CCDC85C: variants seen among roughly 807,000 people sequenced by gnomAD.
The protein encoded by CCDC85C is coiled-coil domain containing 85C.
In CCDC85C, 18 loss-of-function variants were observed where a neutral mutation model predicts 38.3. The observed-to-expected ratio is 0.47, with a 90% CI of 0.33 to 0.70. The LOEUF (loss-of-function observed/expected upper bound fraction) is 0.70. CCDC85C is among the 30% of genes least tolerant of loss of function. The probability of loss-of-function intolerance (pLI) is 0.03; values close to 1 mark genes in which losing one functional copy is unlikely to be tolerated. For missense variants in CCDC85C, 566 were observed against 621.2 expected, an observed-to-expected ratio of 0.91 and a Z score of 0.94; for synonymous variants, 264 against 293.8, an observed-to-expected ratio of 0.90 and a Z score of 1.04.
Position 99,535,996 on chromosome 14 carries a change from C to G in CCDC85C, c.867+19G>C. On this transcript the variant is annotated intron_variant, in intron 2 of 5. Transcript: ENST00000380243. The surrounding 1 kb of genome is among the most constrained non-coding windows in gnomAD (Gnocchi z 5.5). ...CTGGGTCGCGGTCCTCAAGGCAGCG[C>G]CACCCGAAGCCGGCCTACCTGTGCG... 1 of 1,548,936 alleles carries G rather than the reference C, an allele frequency of 6.5e-7. No homozygotes were observed. Among genetic ancestry groups the G allele is most frequent in the Non-Finnish European group, 8.7e-7 (1 of 1,145,170 alleles).
At chr14:99,599,791 C>T (rs543200516) in intron 1 of CCDC85C, among the ~76,000 whole-genome samples, 1 of 152,318 alleles carries the variant, frequency 6.6e-6, no homozygotes, top group East Asian at 1.9e-4. Context: ...AAGAGGATTA[C>T]TTGAGCCCAG....
At chr14:99,596,755 C>T (rs1024889079) in intron 1 of CCDC85C, among the ~76,000 whole-genome samples, 50 of 152,196 alleles carry the variant, frequency 3.3e-4, no homozygotes, top group Non-Finnish European at 6.5e-4. Context: ...AATAGAGTCT[C>T]TTGTTGTTAT....
intron 1 of CCDC85C, among the ~76,000 whole-genome samples, chr14:99,598,299 A>G (rs375217299): frequency 1.1e-4 from 17 of 152,396 alleles, no homozygotes; most frequent in African/African-American, 3.6e-4. Context: ...AAATGAAGGC[A>G]ACAAGCATGG....
rs1055257767 is a variant in CCDC85C, at chr14:99,588,895, C to T, written c.793+14272G>A. On this transcript the variant is annotated intron_variant, in intron 1 of 5. Transcript: ENST00000380243. The surrounding 1 kb of genome is among the most constrained non-coding windows in gnomAD (Gnocchi z 5.0). ...CTTCCCCAAGTTCCTCCGGGGTCTC[C>T]GAGCACCATGGATGTGAACCAACTG... Among the ~76,000 whole-genome samples, 1 of 152,072 alleles carries T rather than the reference C, an allele frequency of 6.6e-6. No individual in the cohort carries two copies. Among genetic ancestry groups the T allele is most frequent in the African/African-American group, 2.4e-5 (1 of 41,406 alleles).
At chr14:99,532,389 T>C (rs1295940931) in intron 2 of CCDC85C, among the ~76,000 whole-genome samples, 1 of 152,192 alleles carries the variant, frequency 6.6e-6, no homozygotes, top group Non-Finnish European at 1.5e-5. Context: ...CAGGGGCCTC[T>C]CTGTGCATGT....
At position 99,501,845 on chromosome 14, in the gene CCDC85C, G is replaced by A; in HGVS notation, c.*13401C>T. ...GAGTTGCTGCCAGCCCCATCCCACTGCAGTCAGTGAAGCTTCTCTTACATT... is the reference window on the plus strand; with the variant it reads ...GAGTTGCTGCCAGCCCCATCCCACTACAGTCAGTGAAGCTTCTCTTACATT... On this transcript the variant is annotated 3_prime_UTR_variant, in exon 6 of 6. Transcript: ENST00000380243. The A allele has an allele frequency of 4.3e-6, 1 of 233,836 alleles. No homozygotes were observed. Among genetic ancestry groups the A allele is most frequent in the South Asian group, 7.6e-5 (1 of 13,078 alleles). 14.5% of individuals were successfully genotyped at this position (233,836 alleles called of 1,614,324 possible).
intron 1 of CCDC85C, among the ~76,000 whole-genome samples, chr14:99,577,327 G>A (rs949427892): frequency 4.7e-5 from 7 of 149,742 alleles, no homozygotes; most frequent in Admixed American, 1.3e-4. Context: ...TGAGGAGACC[G>A]AGGCTCAGAG....
At chr14:99,529,313 T>G (rs1897448784) in intron 2 of CCDC85C, among the ~76,000 whole-genome samples, 1 of 152,086 alleles carries the variant, frequency 6.6e-6, no homozygotes, top group Non-Finnish European at 1.5e-5. Flanking sequence ...CTTGTTCCAG[T>G]GAGGTAAGTG....
At chr14:99,575,512 T>C (rs950713096) in intron 1 of CCDC85C, among the ~76,000 whole-genome samples, 3 of 152,192 alleles carry the variant, frequency 2.0e-5, no homozygotes, top group Admixed American at 6.5e-5. Flanking sequence ...ACCACAAAAA[T>C]GCAAGCTGCC....
rs916940413 is a variant in CCDC85C, at chr14:99,603,028, C to G, written c.793+139G>C. The G allele has an allele frequency of 4.2e-5, 48 of 1,138,320 alleles. No individual in the cohort carries two copies. The highest frequency in any genetic ancestry group is 5.1e-5 in the Non-Finnish European group (46 of 899,244). The allele number at this position is 1,138,320 out of a possible 1,614,324, so 70.5% of individuals were successfully genotyped here. A position where few individuals can be genotyped will look rare whatever the true frequency, so the allele number is the denominator to read the frequency against. ...TTGGGTGAGTGCGGGATCCCCTGGCCCAGGATCCATGACAGCTGGAGGAGT... is the reference window on the plus strand; with the variant it reads ...TTGGGTGAGTGCGGGATCCCCTGGCGCAGGATCCATGACAGCTGGAGGAGT... On this transcript the variant is annotated intron_variant, in intron 1 of 5. Transcript: ENST00000380243. This position sits in a 1 kb window ranked among gnomAD's most constrained non-coding sequence, Gnocchi z 7.5.
intron 1 of CCDC85C, among the ~76,000 whole-genome samples, chr14:99,597,224 A>C (rs1020989840): frequency 2.6e-5 from 4 of 152,162 alleles, no homozygotes; most frequent in African/African-American, 9.7e-5. Flanking sequence ...CTCAGGAGGC[A>C]CTCAGACCTC....
chr14:99,560,273 C>G, intron 1 of CCDC85C, among the ~76,000 whole-genome samples: 1 of 152,208 alleles, frequency 6.6e-6, no homozygotes, highest in Non-Finnish European at 1.5e-5. Flanking sequence ...GCAGCCAGGG[C>G]TGGGTAGGGT....
chr14:99,524,681 CTA>C (rs1356573655), intron 2 of CCDC85C, among the ~76,000 whole-genome samples: 1 of 152,220 alleles, frequency 6.6e-6, no homozygotes, highest in African/African-American at 2.4e-5. Context: ...AAAAATCCTG[CTA>C]TGAGACAGGT....
rs2139968889 is a variant in CCDC85C at position 99,576,053 on chromosome 14, C to A, written c.793+27114G>T. Among the ~76,000 whole-genome samples, 1 of 152,358 alleles carries A rather than the reference C, an allele frequency of 6.6e-6. No homozygotes were observed. The highest frequency in any genetic ancestry group is 2.4e-5 in the African/African-American group (1 of 41,590). On this transcript the variant is annotated intron_variant, in intron 1 of 5. Coordinates refer to ENST00000380243, the MANE Select transcript of CCDC85C (RefSeq NM_001144995.2). This position sits in a 1 kb window ranked among gnomAD's most constrained non-coding sequence, Gnocchi z 4.8. ...GCTGTGACCACCCCACTCCTCCAAA[C>A]CTCACCGATCTGTGCCCGTCTAATG...
chr14:99,571,858 C>A (rs2021922), intron 1 of CCDC85C, among the ~76,000 whole-genome samples: 1 of 152,080 alleles, frequency 6.6e-6, no homozygotes, highest in Admixed American at 6.5e-5. Context: ...CCCACCTGCC[C>A]CTTTTCTTCC....
intron 1 of CCDC85C, among the ~76,000 whole-genome samples, chr14:99,555,679 GGAGAA>G (rs1221717955): frequency 1.3e-5 from 2 of 152,196 alleles, no homozygotes; most frequent in African/African-American, 4.8e-5. Context: ...TGGAAGGACG[GGAGAA>G]GTTAGAAAAT....
chr14:99,585,213 T>G (rs74083737), intron 1 of CCDC85C, among the ~76,000 whole-genome samples: 1 of 152,234 alleles, frequency 6.6e-6, no homozygotes, highest in African/African-American at 2.4e-5. Flanking sequence ...CACAGTGGTA[T>G]GCAGAGACTC....
chr14:99,557,692 A>C (rs1179411366), intron 1 of CCDC85C, among the ~76,000 whole-genome samples: 2 of 152,182 alleles, frequency 1.3e-5, no homozygotes, highest in African/African-American at 2.4e-5. Flanking sequence ...AGGTGGGTGG[A>C]TCACTTGAGG....
At chr14:99,582,032 T>C (rs564536229) in intron 1 of CCDC85C, among the ~76,000 whole-genome samples, 1 of 152,174 alleles carries the variant, frequency 6.6e-6, no homozygotes, top group South Asian at 2.1e-4. Flanking sequence ...CATATCCCCT[T>C]ATGTGACCTA....
Sources: gnomAD v4.1 joint callset for allele counts (sites outside exome capture counted in the v4.1 genomes callset) on GRCh38, gnomAD v4.1.1 for gene constraint, Gnocchi (gnomAD v3.1) non-coding constraint, MANE v1.5 for transcripts, NCBI Gene and HGNC (gene_info 2026-07-23, HGNC 2026-07-21) for gene names.